The following ADGRB1 variants were observed in gnomAD, a reference collection of about 807,000 sequenced individuals.
ADGRB1 encodes adhesion G protein-coupled receptor B1, also known as brain-specific angiogenesis inhibitor 1.
In ADGRB1, 36 loss-of-function variants were observed where a neutral mutation model predicts 175.7. The observed-to-expected ratio is 0.20, with a 90% CI of 0.16 to 0.27. The LOEUF (loss-of-function observed/expected upper bound fraction) is 0.27. ADGRB1 is among the 10% of genes least tolerant of loss of function. ADGRB1 has a pLI of 1.00. For synonymous variants in ADGRB1, 1,054 were observed against 979.4 expected (o/e 1.08, Z -1.42); for missense variants, 1,731 against 2,255.3 (o/e 0.77, Z 4.71).
chr8:142,514,403 C>T (rs1486481528), intron 18 of ADGRB1, among the ~76,000 whole-genome samples: 2 of 152,138 alleles, frequency 1.3e-5, no homozygotes, highest in African/African-American at 2.4e-5. Flanking sequence ...AGGCCTACGA[C>T]GGCCGGAAGG....
In ADGRB1 at chr8:142,508,148, C is replaced by G. The variant is rs576383547; in HGVS notation, c.2676-2784C>G. Reference sequence around the variant, plus strand: ...TCTGCAAGGGACTGTCAGAGATAACCTGAGACCCATCCCAAGCCAGGAAAT... The same window carrying G: ...TCTGCAAGGGACTGTCAGAGATAACGTGAGACCCATCCCAAGCCAGGAAAT... On this transcript the variant is annotated intron_variant, in intron 17 of 30. Transcript: ENST00000517894. Among the ~76,000 whole-genome samples, 4 of 152,306 alleles carry G rather than the reference C, an allele frequency of 2.6e-5. No individual in the cohort carries two copies. The South Asian group carries it at 6.2e-4, about 24-fold the overall frequency.
intron 26 of ADGRB1, among the ~76,000 whole-genome samples, chr8:142,538,265 G>C (rs1265838776): frequency 1.3e-5 from 2 of 152,214 alleles, no homozygotes; most frequent in African/African-American, 2.4e-5. Context: ...GGGGTGCCCA[G>C]CCACCTCACA....
chr8:142,481,972 C>G (rs1252946436), intron 11 of ADGRB1, among the ~76,000 whole-genome samples: 1 of 149,200 alleles, frequency 6.7e-6, no homozygotes, highest in African/African-American at 2.5e-5. Context: ...AGCCCTGATC[C>G]TGGTCACACA....
intron 17 of ADGRB1, among the ~76,000 whole-genome samples, chr8:142,506,107 G>A (rs1252355808): frequency 6.6e-6 from 1 of 152,240 alleles, no homozygotes; most frequent in Admixed American, 6.5e-5. Context: ...CTGAGCACCT[G>A]GGCGACCCCG....
intron 24 of ADGRB1, among the ~76,000 whole-genome samples, chr8:142,530,197 T>C (rs1844542708): frequency 6.6e-6 from 1 of 151,956 alleles, no homozygotes; most frequent in Non-Finnish European, 1.5e-5. Flanking sequence ...GCATTGTGTA[T>C]GTGGGAATGT....
At chr8:142,529,356 G>C (rs187330213) in intron 24 of ADGRB1, among the ~76,000 whole-genome samples, 1 of 152,110 alleles carries the variant, frequency 6.6e-6, no homozygotes, top group African/African-American at 2.4e-5. Flanking sequence ...GTGTGTGTGT[G>C]CCCATGTGAG....
chr8:142,513,196 G>A (rs1288939924), intron 18 of ADGRB1, among the ~76,000 whole-genome samples: 1 of 152,212 alleles, frequency 6.6e-6, no homozygotes, highest in African/African-American at 2.4e-5. Flanking sequence ...CGGGACCGAG[G>A]GCGGGCTGCC....
chr8:142,519,810 TTGGTGC>T (rs761891440), intron 19 of ADGRB1, among the ~76,000 whole-genome samples: 3 of 138,852 alleles, frequency 2.2e-5, no homozygotes, highest in African/African-American at 5.5e-5. Context: ...TGTGATGGTG[TTGGTGC>T]TGGTGCTGGT....
intron 1 of ADGRB1, among the ~76,000 whole-genome samples, chr8:142,456,441 A>G (rs1164418391): frequency 6.6e-6 from 1 of 150,866 alleles, no homozygotes; most frequent in African/African-American, 2.4e-5. Flanking sequence ...ACACTTCCTC[A>G]CCCCCCCGAA....
Position 142,542,294 on chromosome 8 carries a change from A to ACGGCCG in ADGRB1, c.4062_4063insGCCGCG (p.Thr1354_Leu1355insAlaAla). ...CGTGATCCTGCCCACGGCCACGGCCACGCTGCGGCCCAAGCCCAAGGAGGA... is the reference window on the plus strand; with the variant it reads ...CGTGATCCTGCCCACGGCCACGGCCACGGCCGCGCTGCGGCCCAAGCCCAAGGAGGA... On this transcript the variant is annotated inframe_insertion, in exon 28 of 31. Transcript: ENST00000517894. The surrounding 1 kb of genome is among the most constrained non-coding windows in gnomAD (Gnocchi z 6.3). The ACGGCCG allele has an allele frequency of 6.2e-7, 1 of 1,613,244 alleles. No homozygotes were observed. The highest frequency in any genetic ancestry group is 8.5e-7 in the Non-Finnish European group (1 of 1,179,798).
chr8:142,517,987 T>G, intron 18 of ADGRB1, 151 bp from the exon 19 acceptor site: 1 of 636,452 alleles, frequency 1.6e-6, no homozygotes, highest in Non-Finnish European at 2.7e-6. Flanking sequence ...ACCCCTCGTC[T>G]GCAGGGGGCG....
In ADGRB1 at chr8:142,478,266, G is replaced by A. The variant is rs1361299654; in HGVS notation, c.1467G>A (p.Gln489=). The change falls in exon 7 of 31, where the codon CAG becomes CAA. Residue 489 remains glutamine, a synonymous_variant. Transcript: ENST00000517894. ...CCAGCTGCTCCCAGGGCCGACAGCAGCGCACGCGTGAATGCAACGGGCCTT... is the reference window on the plus strand; with the variant it reads ...CCAGCTGCTCCCAGGGCCGACAGCAACGCACGCGTGAATGCAACGGGCCTT... ...CSASCSQGRQ[Q]RTRECNGPSY... The A allele has an allele frequency of 2.5e-6, 4 of 1,610,030 alleles. No homozygotes were observed. The South Asian group carries it at 4.4e-5, about 18-fold the overall frequency.
chr8:142,491,144 A>C (rs908142503), intron 17 of ADGRB1, among the ~76,000 whole-genome samples: 12 of 152,208 alleles, frequency 7.9e-5, no homozygotes, highest in Non-Finnish European at 1.8e-4. Context: ...GAATCCTGAC[A>C]TTCAGGTCTG....
intron 17 of ADGRB1, among the ~76,000 whole-genome samples, chr8:142,501,245 G>C (rs893096698): frequency 6.6e-6 from 1 of 152,180 alleles, no homozygotes; most frequent in Non-Finnish European, 1.5e-5. Flanking sequence ...GGTAATGACT[G>C]TGCTGTTAAT....
At chr8:142,456,996 C>T (rs1160584094) in intron 1 of ADGRB1, among the ~76,000 whole-genome samples, 2 of 152,216 alleles carry the variant, frequency 1.3e-5, no homozygotes, top group Non-Finnish European at 2.9e-5. Flanking sequence ...CCGGGGTGTG[C>T]CTGGAACCTC....
chr8:142,536,731 T>G lies in ADGRB1; in HGVS notation c.3571-256T>G, dbSNP rs555811326. 1.7e-3 allele frequency among the ~76,000 whole-genome samples: 257 copies of G among 152,092 alleles called. 3 individuals are homozygous for G. The highest frequency in any genetic ancestry group is 5.9e-3 in the African/African-American group (244 of 41,494). ...CCCGAGGGCCTGCAGCAGCTCTCGG[T>G]GGCTGGGAGCTTGGTAGAGAGAATC... is the stretch of plus-strand genomic sequence containing the variant. On this transcript the variant is annotated intron_variant, in intron 25 of 30. Coordinates refer to ENST00000517894, the MANE Select transcript of ADGRB1 (RefSeq NM_001702.3).
chr8:142,514,830 C>T (rs920782232), intron 18 of ADGRB1, among the ~76,000 whole-genome samples: 7 of 151,682 alleles, frequency 4.6e-5, no homozygotes, highest in African/African-American at 9.7e-5. Context: ...AATTGGGGCT[C>T]GGGGTATAAT....
At chr8:142,458,787 G>A (rs942108065) in intron 1 of ADGRB1, among the ~76,000 whole-genome samples, 2 of 152,220 alleles carry the variant, frequency 1.3e-5, no homozygotes, top group Non-Finnish European at 2.9e-5. Context: ...AAGGTGATGA[G>A]AAAGGCAGGA....
At position 142,464,249 on chromosome 8, in the gene ADGRB1, G is replaced by GCTA; in HGVS notation, c.54_56dup (p.Leu24dup). 4 of 1,345,488 alleles carry GCTA rather than the reference G, an allele frequency of 3.0e-6. No individual in the cohort carries two copies. The highest frequency in any genetic ancestry group is 3.8e-6 in the Non-Finnish European group (4 of 1,057,096). 83.3% of individuals were successfully genotyped at this position (1,345,488 alleles called of 1,614,324 possible). On this transcript the variant is annotated inframe_insertion, in exon 2 of 31. Coordinates refer to ENST00000517894, the MANE Select transcript of ADGRB1 (RefSeq NM_001702.3). ...GCCCCGTCTGGATCCTCGCCCCGCTGCTACTGCTGCTGCTGCTGCTGGGAC... is the reference window on the plus strand; with the variant it reads ...GCCCCGTCTGGATCCTCGCCCCGCTGCTACTACTGCTGCTGCTGCTGCTGGGAC...
Sources: allele counts gnomAD v4.1 joint callset (sites outside exome capture counted in the v4.1 genomes callset), GRCh38; gene constraint gnomAD v4.1.1; non-coding constraint Gnocchi (gnomAD v3.1); transcripts MANE v1.5; gene names NCBI Gene and HGNC (gene_info 2026-07-23, HGNC 2026-07-21).